TJP3: variants seen among roughly 807,000 people sequenced by gnomAD.
The protein encoded by TJP3 is tight junction protein ZO-3.
Under a neutral mutation model 104.2 loss-of-function variants are expected in TJP3, and 85 were observed. That is an observed-to-expected ratio of 0.82 (90% CI 0.68 to 0.98). TJP3 has a LOEUF of 0.98. Ranked by LOEUF, TJP3 falls within the 50% of genes least tolerant of loss-of-function variation. TJP3 has a pLI of 0.00. For missense variants in TJP3, 1,367 were observed against 1,322.8 expected, an observed-to-expected ratio of 1.03 and a Z score of -0.52; for synonymous variants, 550 against 550.6, an observed-to-expected ratio of 1.00 and a Z score of 0.02.
intron 11 of TJP3, among the ~76,000 whole-genome samples, chr19:3,736,766 G>A (rs2036744422): frequency 6.6e-6 from 1 of 152,004 alleles, no homozygotes; most frequent in African/African-American, 2.4e-5. Context: ...GTAGAGATGA[G>A]GGTTTCGCCA....
rs2036774342 is a variant in TJP3 at position 3,738,927 on chromosome 19, G to T, written c.1424G>T (p.Gly475Val). The change falls in exon 13 of 21, where the codon GGT becomes GTT. Residue 475 changes from glycine to valine, a missense_variant. Physicochemically the swap from Gly to Val is moderately radical, Grantham distance 109 (BLOSUM62 -3). Transcript: ENST00000541714. Reference sequence around the variant, plus strand: ...TGGAAAATGGTGCAGTCCCGCGTGGGTGACTCCTTCTACATCCGCACTCAC... The same window carrying T: ...TGGAAAATGGTGCAGTCCCGCGTGGTTGACTCCTTCTACATCCGCACTCAC... Reference protein sequence around the residue: ...IFWKMVQSRVGDSFYIRTHFE... With the variant: ...IFWKMVQSRVVDSFYIRTHFE... 3 of 1,610,490 alleles carry T rather than the reference G, an allele frequency of 1.9e-6. No individual in the cohort carries two copies.
chr19:3,728,838 AG>A, intron 3 of TJP3, 125 bp downstream of exon 3: 1 of 1,000,094 alleles, frequency 1.0e-6, no homozygotes, highest in Non-Finnish European at 1.5e-6. Flanking sequence ...GGATCACCTG[AG>A]TTCAGGAGTT....
At chr19:3,738,010 C>T (rs1192889194) in intron 11 of TJP3, among the ~76,000 whole-genome samples, 1 of 151,376 alleles carries the variant, frequency 6.6e-6, no homozygotes. Context: ...ATATTGCTGT[C>T]CATGTCATGA....
chr19:3,731,849 C>A (rs1879039), intron 5 of TJP3, 86 bp from the exon 6 acceptor site: 8 of 1,084,176 alleles, frequency 7.4e-6, no homozygotes, highest in Middle Eastern at 2.0e-4. Context: ...TGGGAGGGCC[C>A]GCACCTGGAC....
intron 14 of TJP3, 139 bp downstream of exon 14, chr19:3,740,902 A>G (rs2036807144): frequency 1.3e-6 from 1 of 760,734 alleles, no homozygotes; most frequent in Non-Finnish European, 1.8e-6. Flanking sequence ...ACACTTTGGG[A>G]GGCCGAGGTA....
rs1396333021 is a variant in TJP3, at chr19:3,728,651, G to C, written c.96G>C (p.Arg32=). ...TTGCGATCTCTGGAGGCCGAGACCG[G>C]CCCGGTGGATCCATGGTTGTATCTG... The part of the protein sequence containing the change: ...FGIAISGGRD[R]PGGSMVVSDV... Residue 32 remains arginine, a synonymous_variant, in exon 3 of 21, where the codon CGG becomes CGC. Coordinates refer to ENST00000541714, the MANE Select transcript of TJP3 (RefSeq NM_001267560.2). 6.2e-7 allele frequency: 1 copy of C among 1,613,602 alleles called. No homozygotes were observed. Among genetic ancestry groups the C allele is most frequent in the African/African-American group, 1.3e-5 (1 of 74,940 alleles).
At chr19:3,742,003 T>C (rs1280356113) in intron 14 of TJP3, among the ~76,000 whole-genome samples, 7 of 152,196 alleles carry the variant, frequency 4.6e-5, no homozygotes, top group Non-Finnish European at 8.8e-5. Flanking sequence ...AATTTTGGGT[T>C]ATTTTAGGGG....
chr19:3,736,115 C>T (rs200443342), intron 10 of TJP3, 50 bp from the exon 11 acceptor site: 5 of 1,561,768 alleles, frequency 3.2e-6, no homozygotes, highest in South Asian at 2.4e-5. Flanking sequence ...GCTGAGCCCT[C>T]CCTTTGTCCG....
At chr19:3,744,276 C>T (rs370871824) in intron 15 of TJP3, among the ~76,000 whole-genome samples, 10 of 152,154 alleles carry the variant, frequency 6.6e-5, no homozygotes, top group Non-Finnish European at 2.9e-5. Context: ...AGGCAAAGTG[C>T]CACCTGTTAT....
intron 1 of TJP3, among the ~76,000 whole-genome samples, chr19:3,721,033 G>A (rs766822580): frequency 1.9e-4 from 29 of 150,074 alleles, no homozygotes; most frequent in Middle Eastern, 3.5e-3. Context: ...TCAGCCTCCC[G>A]AGTAGCTGAA....
At chr19:3,743,906 C>T (rs1428293975) in intron 14 of TJP3, 33 bp from the exon 15 acceptor site, 7 of 1,601,468 alleles carry the variant, frequency 4.4e-6, no homozygotes, top group Non-Finnish European at 6.0e-6. Context: ...GCAAATGGGA[C>T]CCTGATTCTT....
chr19:3,725,374 T>A (rs2036586074), intron 1 of TJP3, among the ~76,000 whole-genome samples: 1 of 152,164 alleles, frequency 6.6e-6, no homozygotes, highest in Admixed American at 6.6e-5. Context: ...ACTGAACCTC[T>A]CTAGGCCCCT....
intron 1 of TJP3, among the ~76,000 whole-genome samples, chr19:3,711,010 A>T (rs1164578869): frequency 1.2e-4 from 17 of 146,796 alleles, no homozygotes; most frequent in South Asian, 2.2e-4. Flanking sequence ...TTCACGCCAT[A>T]CTCCTGCCTC....
At chr19:3,713,015 CA>C in intron 1 of TJP3, among the ~76,000 whole-genome samples, 1 of 152,066 alleles carries the variant, frequency 6.6e-6, no homozygotes, top group Non-Finnish European at 1.5e-5. Flanking sequence ...TTCCATACTC[CA>C]AGCTTCTAGC....
At chr19:3,750,269 T>C in intron 20 of TJP3, 85 bp downstream of exon 20, 1 of 1,571,200 alleles carries the variant, frequency 6.4e-7, no homozygotes. Flanking sequence ...ATCCAAGCTA[T>C]GCCTTCATGG....
chr19:3,728,265 A>C, intron 1 of TJP3, 159 bp from the exon 2 acceptor site: 1 of 1,199,536 alleles, frequency 8.3e-7, no homozygotes, highest in Admixed American at 2.8e-5. Flanking sequence ...ACAAAAAAAC[A>C]AACAAAAAAA....
chr19:3,720,788 G>A (rs559532448), intron 1 of TJP3, among the ~76,000 whole-genome samples: 57 of 151,906 alleles, frequency 3.8e-4, no homozygotes, highest in Non-Finnish European at 7.8e-4. Flanking sequence ...GTGAGAAGAA[G>A]GAAACGACCT....
intron 1 of TJP3, among the ~76,000 whole-genome samples, chr19:3,725,358 C>T (rs1160572636): frequency 6.6e-6 from 1 of 152,136 alleles, no homozygotes; most frequent in Admixed American, 6.6e-5. Flanking sequence ...TGACCTCAGG[C>T]AAGTTACTGA....
chr19:3,746,908 G>GC lies in TJP3; in HGVS notation c.2322+32_2322+33insC. 2 of 1,173,600 alleles carry GC rather than the reference G, an allele frequency of 1.7e-6. No homozygotes were observed. The highest frequency in any genetic ancestry group is 2.4e-6 in the Non-Finnish European group (2 of 816,392). 72.7% of individuals were successfully genotyped at this position (1,173,600 alleles called of 1,614,324 possible). ...CCGCGGTGTGGGTGGGTCGGGCAGG[G>GC]AGGCCCCACAGACGCTGTGCAGGCC... On this transcript the variant is annotated intron_variant, in intron 18 of 20. Coordinates refer to ENST00000541714, the MANE Select transcript of TJP3 (RefSeq NM_001267560.2). The surrounding 1 kb of genome is among the most constrained non-coding windows in gnomAD (Gnocchi z 4.1).
Sources: gnomAD v4.1 joint callset for allele counts (sites outside exome capture counted in the v4.1 genomes callset) on GRCh38, gnomAD v4.1.1 for gene constraint, Gnocchi (gnomAD v3.1) non-coding constraint, MANE v1.5 for transcripts, NCBI Gene and HGNC (gene_info 2026-07-23, HGNC 2026-07-21) for gene names.